The following TMEM14C variants were observed in gnomAD, a reference collection of about 807,000 sequenced individuals.
TMEM14C encodes the protein chromosome 6 open reading frame 53.
In TMEM14C, 13 loss-of-function variants were observed where a neutral mutation model predicts 14.8. That is an observed-to-expected ratio of 0.88 (90% CI 0.57 to 1.40). The LOEUF (loss-of-function observed/expected upper bound fraction) is 1.40. TMEM14C is among the 40% of genes most tolerant of loss of function. TMEM14C has a pLI of 0.00. For synonymous variants in TMEM14C, 57 were observed against 51.3 expected (o/e 1.11, Z -0.48); for missense variants, 142 against 138.8 (o/e 1.02, Z -0.12).
At chr6:10,723,847 G>T (rs1304961647) in intron 1 of TMEM14C, among the ~76,000 whole-genome samples, 1 of 152,010 alleles carries the variant, frequency 6.6e-6, no homozygotes, top group Admixed American at 6.6e-5. Context: ...CAGGTGATCC[G>T]CCCGCCTCGG....
intron 4 of TMEM14C, among the ~76,000 whole-genome samples, chr6:10,728,258 TGTA>T (rs1770924543): frequency 1.3e-5 from 2 of 152,188 alleles, no homozygotes; most frequent in South Asian, 4.1e-4. Flanking sequence ...GCACTTGACA[TGTA>T]GTAGGTGCTT....
In TMEM14C at chr6:10,730,666, G is replaced by C. The variant is rs775510640; in HGVS notation, c.339G>C (p.Ter113TyrextTer9). 6.2e-7 allele frequency: 1 copy of C among 1,608,980 alleles called. No individual in the cohort carries two copies. The highest frequency in any genetic ancestry group is 1.1e-5 in the South Asian group (1 of 90,522). ...VGVSMFNRPH[*>Y] is the part of the protein sequence containing the mutation. ...TTAGTATGTTCAACAGACCCCATTA[G>C]CAGAAGTCATGTTCCAGCTTAGACT... Residue 113 changes from the stop codon to tyrosine, a stop_lost, in exon 6 of 6, where the codon TAG (stop) becomes TAC (tyrosine). Coordinates refer to ENST00000229563, the MANE Select transcript of TMEM14C (RefSeq NM_016462.4).
rs185217363 is a variant in TMEM14C, at chr6:10,730,466, T to C, written c.288-149T>C. ...CTTGGCTTGCTTTTTCTCTGGTTCC[T>C]CCAGGGATGGAAATTTACCCCTGAC... On this transcript the variant is annotated intron_variant, in intron 5 of 5. Coordinates refer to ENST00000229563, the MANE Select transcript of TMEM14C (RefSeq NM_016462.4). 7.0e-3 allele frequency: 4,507 copies of C among 642,700 alleles called. 30 individuals are homozygous for C. The highest frequency in any genetic ancestry group is 7.9e-3 in the Non-Finnish European group (3,154 of 399,592). The allele number at this position is 642,700 out of a possible 1,614,324, so 39.8% of individuals were successfully genotyped here. A position where few individuals can be genotyped will look rare whatever the true frequency, so the allele number is the denominator to read the frequency against.
chr6:10,723,481 A>G (rs538955594), intron 1 of TMEM14C, among the ~76,000 whole-genome samples: 9 of 148,110 alleles, frequency 6.1e-5, no homozygotes, highest in East Asian at 4.0e-4. Context: ...TTTCTTGGTG[A>G]TTTTCTTGCT....
At position 10,730,755 on chromosome 6, in the gene TMEM14C, A is replaced by AT; in HGVS notation, c.*94dup. On this transcript the variant is annotated 3_prime_UTR_variant, in exon 6 of 6. Transcript: ENST00000229563. ...ATATATTAAGAGAAATAAGTGCAGCATTTTTGCATCTGACATTTTACCTAA... is the reference window on the plus strand; with the variant it reads ...ATATATTAAGAGAAATAAGTGCAGCATTTTTTGCATCTGACATTTTACCTAA... The AT allele has an allele frequency of 6.9e-7, 1 of 1,453,370 alleles. No individual in the cohort carries two copies. Among genetic ancestry groups the AT allele is most frequent in the Non-Finnish European group, 9.1e-7 (1 of 1,093,536 alleles). The allele number at this position is 1,453,370 out of a possible 1,614,324, so 90.0% of individuals were successfully genotyped here. A position where few individuals can be genotyped will look rare whatever the true frequency, so the allele number is the denominator to read the frequency against.
rs1046258 is a variant in TMEM14C at position 10,730,973 on chromosome 6, G to A, written c.*307G>A. The A allele has an allele frequency of 9.6e-7, 1 of 1,043,118 alleles. No homozygotes were observed. Among genetic ancestry groups the A allele is most frequent in the Non-Finnish European group, 1.2e-6 (1 of 867,776 alleles). 64.6% of individuals were successfully genotyped at this position (1,043,118 alleles called of 1,614,324 possible). A position where few individuals can be genotyped will look rare whatever the true frequency, so the allele number is the denominator to read the frequency against. The stretch of plus-strand genomic sequence containing the variant: ...AAAATGTTAGGTGTCAGCTTTCAGG[G>A]CTCTGAAACCCCATTCCCTGCTCTG... On this transcript the variant is annotated 3_prime_UTR_variant, in exon 6 of 6. Coordinates refer to ENST00000229563, the MANE Select transcript of TMEM14C (RefSeq NM_016462.4).
intron 4 of TMEM14C, among the ~76,000 whole-genome samples, chr6:10,727,481 G>A (rs1179591325): frequency 4.0e-5 from 6 of 151,852 alleles, no homozygotes; most frequent in Non-Finnish European, 1.5e-5. Flanking sequence ...CTGGGATTCA[G>A]GCGTCCACCA....
intron 3 of TMEM14C, 66 bp downstream of exon 3, chr6:10,725,103 G>C: frequency 6.3e-7 from 1 of 1,586,496 alleles, no homozygotes; most frequent in Admixed American, 1.7e-5. Flanking sequence ...GTGAATGCCC[G>C]TGTCCCTGAG....
In TMEM14C at chr6:10,725,035, C is replaced by G; in HGVS notation, c.95C>G (p.Ala32Gly). Residue 32 changes from alanine to glycine, a missense_variant and splice_region_variant, in exon 3 of 6, where the codon GCA becomes GGA. By Grantham distance (60) the Ala-to-Gly change is moderately conservative. Coordinates refer to ENST00000229563, the MANE Select transcript of TMEM14C (RefSeq NM_016462.4). ...ASGGIIGYVK[A>G]GSVPSLAAGL... ...GGTGGGATCATTGGCTATGTAAAAG[C>G]AGGTAGGGTTTTGTTGTTACTTAGC... The G allele has an allele frequency of 6.2e-7, 1 of 1,614,164 alleles. No individual in the cohort carries two copies. The highest frequency in any genetic ancestry group is 8.5e-7 in the Non-Finnish European group (1 of 1,180,018).
intron 2 of TMEM14C, 37 bp from the exon 3 acceptor site, chr6:10,724,924 C>T: frequency 1.9e-6 from 3 of 1,611,816 alleles, no homozygotes; most frequent in Non-Finnish European, 8.5e-7. Flanking sequence ...GTTTTCAAAG[C>T]CAGGTTAGCA....
chr6:10,727,661 T>A (rs1011638020), intron 4 of TMEM14C, among the ~76,000 whole-genome samples: 6 of 149,918 alleles, frequency 4.0e-5, no homozygotes, highest in East Asian at 2.0e-4. Context: ...GTCTCTAATT[T>A]AAAAAAAAAA....
intron 5 of TMEM14C, 125 bp downstream of exon 5, chr6:10,728,852 T>C: frequency 1.3e-6 from 2 of 1,538,870 alleles, no homozygotes; most frequent in Non-Finnish European, 1.8e-6. Context: ...ACATTTGATA[T>C]ATACACTAAT....
chr6:10,728,575 A>G, intron 4 of TMEM14C, 65 bp from the exon 5 acceptor site: 1 of 1,556,788 alleles, frequency 6.4e-7, no homozygotes, highest in Non-Finnish European at 8.8e-7. Context: ...GGCTTGGCCC[A>G]CTTCTGATTC....
At chr6:10,729,780 AAAAC>A (rs147302140) in intron 5 of TMEM14C, among the ~76,000 whole-genome samples, 11,675 of 151,564 alleles carry the variant, frequency 0.077, 1,106 homozygotes, top group African/African-American at 0.22. Flanking sequence ...TCCATCTCAA[AAAAC>A]AAACAAACAA....
At chr6:10,723,980 A>C (rs1014511799) in intron 1 of TMEM14C, among the ~76,000 whole-genome samples, 10 of 152,208 alleles carry the variant, frequency 6.6e-5, no homozygotes, top group Non-Finnish European at 2.9e-5. Context: ...ACTTTCTGTA[A>C]GAAAATAGAA....
chr6:10,729,571 G>A (rs1770970137), intron 5 of TMEM14C, among the ~76,000 whole-genome samples: 1 of 152,166 alleles, frequency 6.6e-6, no homozygotes, highest in Non-Finnish European at 1.5e-5. Context: ...GATGTCAGGG[G>A]TTCAAGACCA....
intron 4 of TMEM14C, 86 bp from the exon 5 acceptor site, chr6:10,728,554 G>A: frequency 7.2e-7 from 1 of 1,398,364 alleles, no homozygotes; most frequent in Non-Finnish European, 1.0e-6. Flanking sequence ...TGAGCCTTGA[G>A]AGATGGGTGG....
intron 3 of TMEM14C, among the ~76,000 whole-genome samples, 169 bp downstream of exon 3, chr6:10,725,206 G>A (rs58849701): frequency 3.3e-5 from 5 of 152,154 alleles, no homozygotes; most frequent in Admixed American, 6.5e-5. Context: ...TTGCCCTTTG[G>A]TTATCTGGTG....
chr6:10,729,218 A>G (rs1350049472), intron 5 of TMEM14C, among the ~76,000 whole-genome samples: 1 of 152,146 alleles, frequency 6.6e-6, no homozygotes, highest in Non-Finnish European at 1.5e-5. Context: ...TGCAATCACC[A>G]TCTGCCTCCC....
Sources: gnomAD v4.1 joint callset for allele counts (sites outside exome capture counted in the v4.1 genomes callset) on GRCh38, gnomAD v4.1.1 for gene constraint, MANE v1.5 for transcripts, NCBI Gene and HGNC (gene_info 2026-07-23, HGNC 2026-07-21) for gene names.